PHACTR3: variants seen among roughly 807,000 people sequenced by gnomAD.
PHACTR3 encodes the protein protein phosphatase 1, regulatory subunit 123.
PHACTR3 carries 16 observed loss-of-function variants against 66.8 expected under a neutral mutation model. The ratio of observed to expected loss-of-function variants is 0.24; its 90% confidence interval spans 0.16 to 0.36. PHACTR3 has a LOEUF of 0.36. Ranked by LOEUF, PHACTR3 falls within the 10% of genes least tolerant of loss-of-function variation. The pLI is 1.00. For missense variants in PHACTR3, 647 were observed against 719.9 expected (o/e 0.90, Z 1.16); for synonymous variants, 323 against 292.1 (o/e 1.11, Z -1.08).
At chr20:59,686,264 G>A (rs191888111) in intron 1 of PHACTR3, among the ~76,000 whole-genome samples, 3 of 152,162 alleles carry the variant, frequency 2.0e-5, no homozygotes, top group Non-Finnish European at 2.9e-5. Flanking sequence ...GCCCACGTGT[G>A]GTCTTGGTCC....
chr20:59,748,878 G>C (rs2039470801), intron 3 of PHACTR3, among the ~76,000 whole-genome samples: 1 of 152,216 alleles, frequency 6.6e-6, no homozygotes, highest in African/African-American at 2.4e-5. Context: ...TAGGAAGGAA[G>C]CTCATGAAAT....
intron 1 of PHACTR3, among the ~76,000 whole-genome samples, chr20:59,633,898 A>AACCTC (rs2034756537): frequency 6.6e-6 from 1 of 152,234 alleles, no homozygotes; most frequent in Non-Finnish European, 1.5e-5. Context: ...AAAGCCAAAG[A>AACCTC]CTTTGTAACA....
intron 1 of PHACTR3, among the ~76,000 whole-genome samples, chr20:59,644,519 C>T (rs2035216635): frequency 6.6e-6 from 1 of 152,150 alleles, no homozygotes; most frequent in Non-Finnish European, 1.5e-5. Context: ...GTTTTTGCTC[C>T]CAGCTGGGAC....
intron 8 of PHACTR3, among the ~76,000 whole-genome samples, chr20:59,828,155 G>C (rs6123953): frequency 0.15 from 23,149 of 152,238 alleles, 3,545 homozygotes; most frequent in African/African-American, 0.4. Context: ...GACACACACA[G>C]GAGGTATTTT....
intron 1 of PHACTR3, among the ~76,000 whole-genome samples, chr20:59,741,262 C>T (rs118024779): frequency 0.011 from 1,623 of 152,366 alleles, 15 homozygotes; most frequent in Middle Eastern, 0.02. Context: ...GAACTGACCA[C>T]GCGCTGACCA....
At chr20:59,805,945 T>A (rs1461217424) in intron 7 of PHACTR3, 96 bp from the exon 8 acceptor site, 2 of 1,362,530 alleles carry the variant, frequency 1.5e-6, no homozygotes, top group Non-Finnish European at 2.0e-6. Flanking sequence ...GAGTCCTTCC[T>A]CTGGCAGGTG....
intron 4 of PHACTR3, among the ~76,000 whole-genome samples, chr20:59,756,886 C>T (rs2146828340): frequency 6.6e-6 from 1 of 152,202 alleles, no homozygotes; most frequent in East Asian, 1.9e-4. Context: ...TAAAGAGCTT[C>T]TTTGCAGCAA....
chr20:59,757,023 C>A (rs966631634), intron 4 of PHACTR3, among the ~76,000 whole-genome samples: 3 of 152,218 alleles, frequency 2.0e-5, no homozygotes, highest in African/African-American at 7.2e-5. Context: ...AAGAAAAAAA[C>A]CCCACCACAA....
chr20:59,750,873 T>C lies in PHACTR3; in HGVS notation c.358+3038T>C, dbSNP rs1043658895. Among the ~76,000 whole-genome samples, 5 of 152,228 alleles carry C rather than the reference T, an allele frequency of 3.3e-5. No homozygotes were observed. The East Asian group carries it at 9.6e-4, about 29-fold the overall frequency. On this transcript the variant is annotated intron_variant, in intron 3 of 12. Coordinates refer to ENST00000371015, the MANE Select transcript of PHACTR3 (RefSeq NM_080672.5). ...GTAATAACGGGATCCACGCAGATGC[T>C]TGGCCACAGGCTCCCGGCTAAATCC...
At chr20:59,581,716 C>A (rs926001561) in intron 1 of PHACTR3, among the ~76,000 whole-genome samples, 1 of 134,084 alleles carries the variant, frequency 7.5e-6, no homozygotes, top group South Asian at 2.2e-4. Context: ...CCCGTCTCTA[C>A]TAAAAATGCA....
At position 59,729,442 on chromosome 20, in the gene PHACTR3, T is replaced by C. The variant is rs533056409; in HGVS notation, c.119-13665T>C. Among the ~76,000 whole-genome samples the C allele has an allele frequency of 1.5e-3, 232 of 152,108 alleles. 1 individual carries two copies. The highest frequency in any genetic ancestry group is 5.3e-3 in the African/African-American group (220 of 41,500). On this transcript the variant is annotated intron_variant, in intron 1 of 12. Transcript: ENST00000371015. ...GTGAGGGGGCAGTGGGCAAAGAAAT[T>C]GCATGGCCCAGATCACTCACTGGAG... is the stretch of plus-strand genomic sequence containing the variant.
chr20:59,642,691 G>A (rs1156331293), intron 1 of PHACTR3, among the ~76,000 whole-genome samples: 1 of 152,072 alleles, frequency 6.6e-6, no homozygotes, highest in East Asian at 1.9e-4. Context: ...TAATTGGGAT[G>A]GACTTAAGGC....
At chr20:59,836,638 C>T in intron 9 of PHACTR3, 78 bp downstream of exon 9, 1 of 1,413,922 alleles carries the variant, frequency 7.1e-7, no homozygotes, top group South Asian at 1.3e-5. Flanking sequence ...GTTCCCATAA[C>T]CCAGCCCTTC....
At chr20:59,819,069 C>T (rs1431384296) in intron 8 of PHACTR3, among the ~76,000 whole-genome samples, 1 of 152,144 alleles carries the variant, frequency 6.6e-6, no homozygotes, top group Non-Finnish European at 1.5e-5. Flanking sequence ...GGTTCCGGAG[C>T]CTCTGCTGAG....
intron 4 of PHACTR3, 52 bp from the exon 5 acceptor site, chr20:59,767,134 A>T: frequency 6.3e-7 from 1 of 1,576,808 alleles, no homozygotes; most frequent in South Asian, 1.1e-5. Flanking sequence ...TCTTACTTCC[A>T]CTGCTGTCAG....
Position 59,829,991 on chromosome 20 carries a change from T to C in PHACTR3, c.1329-6514T>C. Reference sequence around the variant, plus strand: ...CCCCGTGTCCTTCCACTTCCTGAAATTACCTGCAGCCCCTGCTGCTGTGCT... The same window carrying C: ...CCCCGTGTCCTTCCACTTCCTGAAACTACCTGCAGCCCCTGCTGCTGTGCT... On this transcript the variant is annotated intron_variant, in intron 8 of 12. Transcript: ENST00000371015. This position sits in a 1 kb window ranked among gnomAD's most constrained non-coding sequence, Gnocchi z 4.2. 6.6e-6 allele frequency among the ~76,000 whole-genome samples: 1 copy of C among 151,820 alleles called. No homozygotes were observed. Among genetic ancestry groups the C allele is most frequent in the South Asian group, 2.1e-4 (1 of 4,826 alleles).
chr20:59,577,988 C>T (rs2032762138), intron 1 of PHACTR3, among the ~76,000 whole-genome samples: 1 of 152,258 alleles, frequency 6.6e-6, no homozygotes, highest in African/African-American at 2.4e-5. Context: ...TGGGGGATAC[C>T]TGTGTCTTGG....
chr20:59,712,273 T>G (rs1479556051), intron 1 of PHACTR3, among the ~76,000 whole-genome samples: 1 of 152,244 alleles, frequency 6.6e-6, no homozygotes, highest in Non-Finnish European at 1.5e-5. Context: ...ATGATTCTGC[T>G]ATGCGTTGCA....
At chr20:59,694,281 G>T (rs1009630756) in intron 1 of PHACTR3, among the ~76,000 whole-genome samples, 1 of 152,044 alleles carries the variant, frequency 6.6e-6, no homozygotes, top group Non-Finnish European at 1.5e-5. Context: ...CATTGTTTTG[G>T]CTTCTGTCTC....
Sources: gnomAD v4.1 joint callset for allele counts (sites outside exome capture counted in the v4.1 genomes callset) on GRCh38, gnomAD v4.1.1 for gene constraint, Gnocchi (gnomAD v3.1) non-coding constraint, MANE v1.5 for transcripts, NCBI Gene and HGNC (gene_info 2026-07-23, HGNC 2026-07-21) for gene names.